CLEC1A: variants seen among roughly 807,000 people sequenced by gnomAD.
CLEC1A encodes C-type lectin-like receptor-1.
CLEC1A carries 34 observed loss-of-function variants against 28.7 expected under a neutral mutation model. The observed-to-expected ratio is 1.18, with a 90% confidence interval of 0.90 to 1.57. CLEC1A has a LOEUF of 1.57. Among genes scored for constraint, CLEC1A ranks in the 40% most tolerant of loss-of-function variants. The pLI, the probability that CLEC1A is intolerant of heterozygous loss-of-function variation, is 0.00. For synonymous variants in CLEC1A, 116 were observed against 121.0 expected (o/e 0.96, Z 0.27); for missense variants, 385 against 339.5 (o/e 1.13, Z -1.05).
chr12:10,094,593 G>A (rs942914011), intron 1 of CLEC1A, among the ~76,000 whole-genome samples: 24 of 152,076 alleles, frequency 1.6e-4, no homozygotes, highest in African/African-American at 5.8e-4. Context: ...TCACTAAGTT[G>A]CACAGAGCTA....
chr12:10,087,396 G>A lies in CLEC1A; in HGVS notation c.214+1728C>T, dbSNP rs1305567336. Among the ~76,000 whole-genome samples the A allele has an allele frequency of 2.1e-4, 29 of 140,010 alleles. No individual in the cohort carries two copies. In the Admixed American group the frequency reaches 2.2e-3, roughly 10 times the overall value. 91.9% of individuals were successfully genotyped at this position (140,010 alleles called of 152,430 possible). On this transcript the variant is annotated intron_variant, in intron 2 of 5. Transcript: ENST00000315330. Reference sequence around the variant, plus strand: ...GATCATCTCAATAGATGCAGAAAAAGCATTTGACAAAATCCAGCATTCCTT... The same window carrying A: ...GATCATCTCAATAGATGCAGAAAAAACATTTGACAAAATCCAGCATTCCTT...
Position 10,075,575 on chromosome 12 carries a change from A to T in CLEC1A, c.472T>A (p.Trp158Arg). Residue 158 changes from tryptophan to arginine, a missense_variant, in exon 4 of 6, where the codon TGG (tryptophan) becomes AGG (arginine). Transcript: ENST00000315330. ...AGGCAGAAATATTTACAGTCCTCCC[A>T]ACTTTTGCTGTCTTTATAGAACTGG... ...CYQFYKDSKS[W>R]EDCKYFCLSE... 1 of 1,613,920 alleles carries T rather than the reference A, an allele frequency of 6.2e-7. No homozygotes were observed. Among genetic ancestry groups the T allele is most frequent in the South Asian group, 1.1e-5 (1 of 91,076 alleles).
At chr12:10,083,300 A>T (rs1440464121) in intron 2 of CLEC1A, among the ~76,000 whole-genome samples, 1 of 152,224 alleles carries the variant, frequency 6.6e-6, no homozygotes, top group African/African-American at 2.4e-5. Flanking sequence ...AATATGACAA[A>T]ACAGGATTCT....
chr12:10,085,578 C>T (rs985782866), intron 2 of CLEC1A, among the ~76,000 whole-genome samples: 1 of 144,390 alleles, frequency 6.9e-6, no homozygotes, highest in Non-Finnish European at 1.5e-5. Context: ...ACATTATAGA[C>T]ATTATATAGT....
intron 2 of CLEC1A, among the ~76,000 whole-genome samples, chr12:10,085,733 A>T (rs1866479345): frequency 6.6e-6 from 1 of 152,212 alleles, no homozygotes. Flanking sequence ...GGGGACTTCA[A>T]TACTCCACTG....
intron 3 of CLEC1A, among the ~76,000 whole-genome samples, chr12:10,079,983 G>T (rs958263497): frequency 6.6e-6 from 1 of 152,076 alleles, no homozygotes; most frequent in African/African-American, 2.4e-5. Context: ...ACCAACAAAG[G>T]AAAGTATGCA....
chr12:10,096,912 G>A (rs761370978), intron 1 of CLEC1A, among the ~76,000 whole-genome samples: 23 of 151,998 alleles, frequency 1.5e-4, no homozygotes, highest in Non-Finnish European at 2.6e-4. Context: ...AAATTAAGCC[G>A]AGAGCTTGGT....
At chr12:10,082,874 C>T (rs1426622588) in intron 2 of CLEC1A, among the ~76,000 whole-genome samples, 4 of 152,248 alleles carry the variant, frequency 2.6e-5, no homozygotes, top group Admixed American at 6.5e-5. Flanking sequence ...GACAACTTCA[C>T]TGCTAGCATA....
intron 2 of CLEC1A, among the ~76,000 whole-genome samples, chr12:10,086,526 C>T (rs562674487): frequency 2.0e-5 from 3 of 152,078 alleles, no homozygotes; most frequent in Middle Eastern, 3.4e-3. Flanking sequence ...CCAACTGATG[C>T]CACACAAATA....
At position 10,071,289 on chromosome 12, in the gene CLEC1A, G is replaced by C. The variant is rs1413998117; in HGVS notation, c.*44C>G. The C allele has an allele frequency of 6.4e-7, 1 of 1,571,752 alleles. No homozygotes were observed. Among genetic ancestry groups the C allele is most frequent in the Non-Finnish European group, 8.7e-7 (1 of 1,153,866 alleles). On this transcript the variant is annotated 3_prime_UTR_variant, in exon 6 of 6. Coordinates refer to ENST00000315330, the MANE Select transcript of CLEC1A (RefSeq NM_016511.4). The stretch of plus-strand genomic sequence containing the variant: ...AATGTCTCAACTAGCCCTTGCTTTG[G>C]CACCGCCTGGCTCACTCTGCTATTT...
Position 10,070,129 on chromosome 12 carries a change from C to G in CLEC1A, c.*1204G>C, listed in dbSNP as rs994686315. 1.3e-5 allele frequency: 2 copies of G among 152,184 alleles called. No individual in the cohort carries two copies. Among genetic ancestry groups the G allele is most frequent in the Non-Finnish European group, 2.9e-5 (2 of 68,036 alleles). 9.4% of individuals were successfully genotyped at this position (152,184 alleles called of 1,614,324 possible). On this transcript the variant is annotated 3_prime_UTR_variant, in exon 6 of 6. Transcript: ENST00000315330. Reference sequence around the variant, plus strand: ...TGGAGTCGTCTCAAGAAAGAAGTGCCTCACAAAGGAGCAGCTACAAAGATG... The same window carrying G: ...TGGAGTCGTCTCAAGAAAGAAGTGCGTCACAAAGGAGCAGCTACAAAGATG...
Position 10,098,856 on chromosome 12 carries a change from G to T in CLEC1A, c.67C>A (p.His23Asn), listed in dbSNP as rs1378700920. Residue 23 changes from histidine (H) to asparagine (N), a missense_variant, in exon 1 of 6, where the codon CAT becomes AAT. His to Asn is a moderately conservative substitution (Grantham distance 68). Transcript: ENST00000315330. ...CGAGTTGTGGCAGAGCCTTGAGAAT[G>T]CAGGCTCATGGTGGTGTCCCCATCA... is the stretch of plus-strand genomic sequence containing the variant. The part of the protein sequence containing the change: ...DDDGDTTMSL[H>N]SQGSATTRHP... 10 of 1,613,526 alleles carry T rather than the reference G, an allele frequency of 6.2e-6. No homozygotes were observed. Among genetic ancestry groups the T allele is most frequent in the Non-Finnish European group, 8.5e-6 (10 of 1,179,758 alleles).
chr12:10,098,058 GTT>G (rs56398650), intron 1 of CLEC1A, among the ~76,000 whole-genome samples: 113,661 of 150,448 alleles, frequency 0.76, 44,593 homozygotes, highest in Non-Finnish European at 0.88. Flanking sequence ...GAACAGGATA[GTT>G]TTTTTTTTTT....
chr12:10,092,520 C>A, intron 1 of CLEC1A: 1 of 257,572 alleles, frequency 3.9e-6, no homozygotes, highest in Non-Finnish European at 8.1e-6. Context: ...CTACTCCAGC[C>A]TGGGTGACAG....
chr12:10,082,156 C>T (rs977753749), intron 2 of CLEC1A, among the ~76,000 whole-genome samples: 1 of 152,138 alleles, frequency 6.6e-6, no homozygotes, highest in East Asian at 1.9e-4. Flanking sequence ...TTTTCTTAAG[C>T]AGAATCCAGG....
chr12:10,095,088 GCTC>G (rs1250089738), intron 1 of CLEC1A, among the ~76,000 whole-genome samples: 3 of 152,050 alleles, frequency 2.0e-5, no homozygotes, highest in African/African-American at 7.2e-5. Context: ...TGAAAAAGAG[GCTC>G]CTCTAGTACA....
intron 1 of CLEC1A, chr12:10,092,449 A>G: frequency 2.6e-6 from 1 of 388,848 alleles, no homozygotes. Flanking sequence ...CAGAAGGCTG[A>G]GGTGGGAGGA....
At chr12:10,097,099 T>G (rs966668182) in intron 1 of CLEC1A, among the ~76,000 whole-genome samples, 19 of 152,184 alleles carry the variant, frequency 1.2e-4, no homozygotes, top group African/African-American at 1.9e-4. Flanking sequence ...GAAAAATGTA[T>G]GAGGTTGTTG....
chr12:10,092,688 G>A (rs1429601491), intron 1 of CLEC1A, among the ~76,000 whole-genome samples: 3 of 152,146 alleles, frequency 2.0e-5, no homozygotes, highest in East Asian at 3.8e-4. Flanking sequence ...CTACTGTGAA[G>A]TGAGGGCCTG....
Sources: gnomAD v4.1 joint callset for allele counts (sites outside exome capture counted in the v4.1 genomes callset) on GRCh38, gnomAD v4.1.1 for gene constraint, MANE v1.5 for transcripts, NCBI Gene and HGNC (gene_info 2026-07-23, HGNC 2026-07-21) for gene names.